Variants in NBEA observed in about 807,000 individuals in gnomAD.
The protein encoded by NBEA is lysosomal-trafficking regulator 2.
In NBEA, 44 loss-of-function variants were observed where a neutral mutation model predicts 343.4. That is an observed-to-expected ratio of 0.13 (90% confidence interval 0.10 to 0.16). The LOEUF is 0.16. Among genes scored for constraint, NBEA ranks in the 10% least tolerant of loss-of-function variants. The probability of loss-of-function intolerance (pLI) is 1.00; values close to 1 mark genes in which losing one functional copy is unlikely to be tolerated. For missense variants in NBEA, 2,555 were observed against 3,631.3 expected (o/e 0.70, Z 7.62); for synonymous variants, 1,175 against 1,238.7 (o/e 0.95, Z 1.08).
chr13:35,372,911 C>T (rs1460938608), intron 38 of NBEA, among the ~76,000 whole-genome samples: 1 of 152,112 alleles, frequency 6.6e-6, no homozygotes, highest in Non-Finnish European at 1.5e-5. Context: ...AAAATGGTGC[C>T]TTGATGTAGC....
In NBEA at chr13:35,332,839, A is replaced by G. The variant is rs538956079; in HGVS notation, c.5904-16269A>G. Among the ~76,000 whole-genome samples the G allele has an allele frequency of 2.4e-4, 37 of 152,276 alleles. No individual in the cohort carries two copies. In the South Asian group the frequency reaches 3.5e-3, roughly 15 times the overall value. Reference sequence around the variant, plus strand: ...TGGTGGTTCAGAATATTCACATTCTACATAGAGTACACTCATTGAGGCATC... The same window carrying G: ...TGGTGGTTCAGAATATTCACATTCTGCATAGAGTACACTCATTGAGGCATC... On this transcript the variant is annotated intron_variant, in intron 36 of 58. Transcript: ENST00000379939.
chr13:35,561,562 T>C (rs1196683370), intron 44 of NBEA, among the ~76,000 whole-genome samples: 1 of 152,198 alleles, frequency 6.6e-6, no homozygotes, highest in Non-Finnish European at 1.5e-5. Flanking sequence ...AAAAATATTA[T>C]TTTAGTATGA....
At chr13:35,512,586 T>C (rs756314281) in intron 41 of NBEA, among the ~76,000 whole-genome samples, 6 of 152,244 alleles carry the variant, frequency 3.9e-5, no homozygotes, top group Admixed American at 1.3e-4. Context: ...CAAACAGCTT[T>C]GGTTCCTTGT....
At chr13:35,572,206 A>G (rs1433050225) in intron 45 of NBEA, among the ~76,000 whole-genome samples, 1 of 152,200 alleles carries the variant, frequency 6.6e-6, no homozygotes, top group South Asian at 2.1e-4. Context: ...CTATCTTACA[A>G]CATGATATAT....
At chr13:35,295,184 T>C (rs987646454) in intron 35 of NBEA, among the ~76,000 whole-genome samples, 11 of 149,658 alleles carry the variant, frequency 7.4e-5, no homozygotes, top group African/African-American at 2.7e-4. Context: ...TAGGGTATTA[T>C]CCATTTCCAG....
chr13:35,151,129 A>AC (rs2068756985), intron 18 of NBEA, among the ~76,000 whole-genome samples: 2 of 151,496 alleles, frequency 1.3e-5, no homozygotes, highest in Admixed American at 1.3e-4. Flanking sequence ...AAAAAAAAAA[A>AC]AGAAAAGAAA....
At chr13:35,384,440 TTGTCAAAGC>T (rs1464062779) in intron 38 of NBEA, among the ~76,000 whole-genome samples, 1 of 152,160 alleles carries the variant, frequency 6.6e-6, no homozygotes, top group East Asian at 1.9e-4. Context: ...AAGCCTTCTC[TTGTCAAAGC>T]TGTCTTACTT....
intron 33 of NBEA, among the ~76,000 whole-genome samples, chr13:35,222,088 G>A (rs2074400059): frequency 6.6e-6 from 1 of 151,854 alleles, no homozygotes; most frequent in African/African-American, 2.4e-5. Flanking sequence ...TAGTTATTGT[G>A]TTTATGATCA....
intron 36 of NBEA, among the ~76,000 whole-genome samples, chr13:35,319,313 G>A (rs2152839229): frequency 6.6e-6 from 1 of 152,266 alleles, no homozygotes; most frequent in Non-Finnish European, 1.5e-5. Flanking sequence ...GTTCTCATTG[G>A]TTTCAAAGAA....
chr13:35,290,552 A>G, intron 35 of NBEA, 102 bp downstream of exon 35: 1 of 755,152 alleles, frequency 1.3e-6, no homozygotes, highest in Non-Finnish European at 2.2e-6. Context: ...TATATTTTTA[A>G]AATTTCCATC....
At chr13:35,605,139 A>C (rs951584028) in intron 47 of NBEA, among the ~76,000 whole-genome samples, 1 of 152,224 alleles carries the variant, frequency 6.6e-6, no homozygotes, top group African/African-American at 2.4e-5. Context: ...AAATAGAAGA[A>C]AACTGAGATT....
At chr13:35,057,492 G>A (rs1363899485) in intron 7 of NBEA, among the ~76,000 whole-genome samples, 1 of 152,108 alleles carries the variant, frequency 6.6e-6, no homozygotes, top group Non-Finnish European at 1.5e-5. Flanking sequence ...ACAGAAACCA[G>A]GTGTGGCAGG....
intron 45 of NBEA, among the ~76,000 whole-genome samples, chr13:35,574,521 A>G (rs2080633604): frequency 6.6e-6 from 1 of 152,160 alleles, no homozygotes; most frequent in African/African-American, 2.4e-5. Context: ...AGAGGAGTCA[A>G]AAGAAATGCG....
intron 41 of NBEA, chr13:35,474,953 G>C: frequency 8.2e-7 from 1 of 1,219,604 alleles, no homozygotes; most frequent in Non-Finnish European, 1.2e-6. Context: ...TTTAAAGGAA[G>C]AGATTGTTTG....
rs573599973 is a variant in NBEA at position 35,658,422 on chromosome 13, A to T, written c.8362+2673A>T. ...AAAGTGCTCTTCTAGAATAAACAAG[A>T]TAAGCACCTAAAGTATTAGTCAAGC... is the stretch of plus-strand genomic sequence containing the variant. On this transcript the variant is annotated intron_variant, in intron 55 of 58. Coordinates refer to ENST00000379939, the MANE Select transcript of NBEA (RefSeq NM_001385012.1). 4.6e-5 allele frequency among the ~76,000 whole-genome samples: 7 copies of T among 152,328 alleles called. No individual in the cohort carries two copies. In the East Asian group the frequency reaches 1.3e-3, roughly 29 times the overall value.
rs1401517269 is a variant in NBEA, at chr13:35,369,684, AT to A, written c.6179+17367del. Among the ~76,000 whole-genome samples, 8 of 151,766 alleles carry A rather than the reference AT, an allele frequency of 5.3e-5. No homozygotes were observed. In the South Asian group the frequency reaches 1.7e-3, roughly 31 times the overall value. Reference sequence around the variant, plus strand: ...TCATTCCTGTATATAAACACTACTGATTTTTTATGTTGATTTTATAGCCTGC... The same window carrying A: ...TCATTCCTGTATATAAACACTACTGATTTTTATGTTGATTTTATAGCCTGC... On this transcript the variant is annotated intron_variant, in intron 38 of 58. Transcript: ENST00000379939.
intron 7 of NBEA, among the ~76,000 whole-genome samples, chr13:35,057,859 C>G (rs1193837047): frequency 2.0e-5 from 3 of 152,104 alleles, no homozygotes; most frequent in Admixed American, 6.6e-5. Context: ...TCCCATACTT[C>G]TAATTAAAGA....
At chr13:35,091,933 A>G (rs2065102008) in intron 10 of NBEA, among the ~76,000 whole-genome samples, 1 of 152,010 alleles carries the variant, frequency 6.6e-6, no homozygotes, top group African/African-American at 2.4e-5. Flanking sequence ...TGAGTCTAAA[A>G]TTTATGTTGA....
At chr13:35,461,464 C>T (rs538864323) in intron 40 of NBEA, among the ~76,000 whole-genome samples, 3 of 152,186 alleles carry the variant, frequency 2.0e-5, no homozygotes, top group Admixed American at 6.5e-5. Context: ...ACCAGGAAAC[C>T]ATATTTTTCT....
Sources: gnomAD v4.1 joint callset for allele counts (sites outside exome capture counted in the v4.1 genomes callset) on GRCh38, gnomAD v4.1.1 for gene constraint, MANE v1.5 for transcripts, NCBI Gene and HGNC (gene_info 2026-07-23, HGNC 2026-07-21) for gene names.